The following KDM6A variants were observed in gnomAD, a reference collection of about 807,000 sequenced individuals.
KDM6A encodes the protein lysine-specific demethylase 6A.
Under a neutral mutation model 117.6 loss-of-function variants are expected in KDM6A, and 11 were observed. That is an observed-to-expected ratio of 0.09 (90% CI 0.06 to 0.15). The LOEUF (loss-of-function observed/expected upper bound fraction) is 0.15. Ranked by LOEUF, KDM6A falls within the 10% of genes least tolerant of loss-of-function variation. The pLI is 1.00. For missense variants in KDM6A, 799 were observed against 1,077.3 expected (o/e 0.74, Z 3.62); for synonymous variants, 384 against 396.1 (o/e 0.97, Z 0.36).
At chrX:44,932,409 CCATCT>C (rs1216698930) in intron 2 of KDM6A, among the ~76,000 whole-genome samples, 3 of 110,514 alleles carry the variant, frequency 2.7e-5, no homozygotes, top group Non-Finnish European at 5.7e-5. Flanking sequence ...CCACGCCTGG[CCATCT>C]ACGTAGCCTT....
chrX:44,991,243 A>G (rs182336477), intron 4 of KDM6A, among the ~76,000 whole-genome samples: 1 of 112,122 alleles, frequency 8.9e-6, no homozygotes, highest in Non-Finnish European at 1.9e-5. Context: ...ATTTCAAATA[A>G]TACAGTTTTG....
rs189684795 is a variant in KDM6A at position 45,050,353 on chromosome X, A to T, written c.655-1356A>T. On this transcript the variant is annotated intron_variant, in intron 8 of 29. Transcript: ENST00000611820. ...GACACTCCGTCTCAAAAAAACAAACAAACGAAAAAACTGATCATCTCAATA... is the reference window on the plus strand; with the variant it reads ...GACACTCCGTCTCAAAAAAACAAACTAACGAAAAAACTGATCATCTCAATA... 1.5e-4 allele frequency among the ~76,000 whole-genome samples: 17 copies of T among 112,341 alleles called. No individual in the cohort carries two copies. The East Asian group carries it at 4.5e-3, about 30-fold the overall frequency.
chrX:44,937,618 G>A (rs780343886), intron 2 of KDM6A, among the ~76,000 whole-genome samples: 2 of 111,672 alleles, frequency 1.8e-5, no homozygotes, highest in African/African-American at 6.5e-5. Flanking sequence ...CTGCTCTACC[G>A]ACTGGCCATT....
At chrX:44,880,748 C>T (rs1383474525) in intron 2 of KDM6A, among the ~76,000 whole-genome samples, 3 of 109,126 alleles carry the variant, frequency 2.7e-5, no homozygotes, top group Non-Finnish European at 5.7e-5. Flanking sequence ...GCCGAGATCG[C>T]GCCACTGCAC....
rs144785663 is a variant in KDM6A, at chrX:44,935,655, G to A, written c.226-25629G>A. 1.5e-3 allele frequency among the ~76,000 whole-genome samples: 171 copies of A among 111,055 alleles called. 3 individuals are homozygous for A. In the East Asian group the frequency reaches 0.041, roughly 26 times the overall value. On this transcript the variant is annotated intron_variant, in intron 2 of 29. Coordinates refer to ENST00000611820, the MANE Select transcript of KDM6A (RefSeq NM_001291415.2). ...GAAGCTAAAATTCAAAACCTAGCCC[G>A]TCAGGTTTCAGAGTCTATCTACTAC...
chrX:45,064,277 C>T (rs1236838411), intron 17 of KDM6A, among the ~76,000 whole-genome samples: 2 of 111,279 alleles, frequency 1.8e-5, no homozygotes, highest in Admixed American at 9.6e-5. Flanking sequence ...AGAGTACCTA[C>T]GAGAGCACAT....
At chrX:45,056,553 G>T (rs1018102379) in intron 10 of KDM6A, among the ~76,000 whole-genome samples, 1 of 112,145 alleles carries the variant, frequency 8.9e-6, no homozygotes, top group Non-Finnish European at 1.9e-5. Context: ...GGAGGGACCA[G>T]GGAGGTCATC....
At chrX:45,057,537 A>G (rs751050022) in intron 10 of KDM6A, among the ~76,000 whole-genome samples, 2 of 111,200 alleles carry the variant, frequency 1.8e-5, no homozygotes, top group African/African-American at 3.3e-5. Flanking sequence ...CACTGTCCAT[A>G]ACTATTTTCC....
chrX:44,936,619 T>A (rs2036985001), intron 2 of KDM6A, among the ~76,000 whole-genome samples: 1 of 112,062 alleles, frequency 8.9e-6, no homozygotes, highest in African/African-American at 3.2e-5. Flanking sequence ...CTGAAATGCT[T>A]GGGACCAGAA....
intron 2 of KDM6A, among the ~76,000 whole-genome samples, chrX:44,913,874 C>T (rs920746910): frequency 1.1e-4 from 12 of 111,331 alleles, no homozygotes; most frequent in African/African-American, 3.3e-4. Flanking sequence ...TTTGAAGATG[C>T]GTCCTTAACT....
chrX:45,050,157 T>C (rs2043770472), intron 8 of KDM6A, among the ~76,000 whole-genome samples: 2 of 112,674 alleles, frequency 1.8e-5, no homozygotes, highest in African/African-American at 6.4e-5. Context: ...CTGACCAACA[T>C]GGAGAAACCC....
intron 25 of KDM6A, among the ~76,000 whole-genome samples, chrX:45,087,366 T>C (rs1361659905): frequency 8.8e-6 from 1 of 113,160 alleles, no homozygotes; most frequent in East Asian, 2.8e-4. Flanking sequence ...AAGTGCATCG[T>C]AGTTGAAAAA....
At position 45,085,857 on chromosome X, in the gene KDM6A, C is replaced by T; in HGVS notation, c.3590-8C>T. On this transcript the variant is annotated splice_polypyrimidine_tract_variant and splice_region_variant and intron_variant, in intron 24 of 29. Transcript: ENST00000611820. Reference sequence around the variant, plus strand: ...GGAGCTCCAATTTTTTTTCTTTTCACATTTCAGGTCATCAGGAAAATAACA... The same window carrying T: ...GGAGCTCCAATTTTTTTTCTTTTCATATTTCAGGTCATCAGGAAAATAACA... 1 of 1,134,759 alleles carries T rather than the reference C, an allele frequency of 8.8e-7. No individual in the cohort carries two copies. Among genetic ancestry groups the T allele is most frequent in the Non-Finnish European group, 1.2e-6 (1 of 825,988 alleles). 93.5% of individuals were successfully genotyped at this position (1,134,759 alleles called of 1,213,427 possible).
chrX:44,885,192 ATT>A (rs368044228), intron 2 of KDM6A, among the ~76,000 whole-genome samples: 4 of 100,144 alleles, frequency 4.0e-5, no homozygotes, highest in Admixed American at 1.1e-4. Context: ...CGTGCAGCTA[ATT>A]TTTTTTTTTT....
At chrX:45,066,735 C>G (rs1434074909) in intron 17 of KDM6A, among the ~76,000 whole-genome samples, 1 of 111,880 alleles carries the variant, frequency 8.9e-6, no homozygotes, top group Non-Finnish European at 1.9e-5. Flanking sequence ...TTTCAATACT[C>G]TCTTAACCCT....
At chrX:44,933,811 C>T (rs149703685) in intron 2 of KDM6A, among the ~76,000 whole-genome samples, 4,219 of 111,180 alleles carry the variant, frequency 0.038, 213 homozygotes, top group African/African-American at 0.13. Context: ...CTCCTGGCTT[C>T]AAGTGATCCG....
chrX:44,915,336 T>C (rs1040999936), intron 2 of KDM6A, among the ~76,000 whole-genome samples: 2 of 112,170 alleles, frequency 1.8e-5, no homozygotes, highest in African/African-American at 6.5e-5. Context: ...CTGGAAAAAG[T>C]GACATTTCTC....
At chrX:44,915,696 T>C (rs1198734136) in intron 2 of KDM6A, among the ~76,000 whole-genome samples, 1 of 111,330 alleles carries the variant, frequency 9.0e-6, no homozygotes, top group African/African-American at 3.3e-5. Flanking sequence ...ATTATCCCTT[T>C]GTCCAGCTTA....
chrX:44,931,259 G>A (rs901462148), intron 2 of KDM6A, among the ~76,000 whole-genome samples: 3 of 110,554 alleles, frequency 2.7e-5, no homozygotes, highest in African/African-American at 6.6e-5. Flanking sequence ...TAGTAGAGAC[G>A]GGGTTTCACC....
Sources: allele counts gnomAD v4.1 joint callset (sites outside exome capture counted in the v4.1 genomes callset), GRCh38; gene constraint gnomAD v4.1.1; transcripts MANE v1.5; gene names NCBI Gene and HGNC (gene_info 2026-07-23, HGNC 2026-07-21).